PLCB4: variants seen among roughly 807,000 people sequenced by gnomAD.
PLCB4 encodes the protein 1-phosphatidylinositol 4,5-bisphosphate phosphodiesterase beta-4.
PLCB4 carries 77 observed loss-of-function variants against 178.8 expected under a neutral mutation model. That is an observed-to-expected ratio of 0.43 (90% CI 0.36 to 0.52). The LOEUF (loss-of-function observed/expected upper bound fraction) is 0.52, where lower values mean the gene tolerates loss of function less well. Among genes scored for constraint, PLCB4 ranks in the 20% least tolerant of loss-of-function variants. PLCB4 has a pLI of 0.00. For synonymous variants in PLCB4, 496 were observed against 490.8 expected (o/e 1.01, Z -0.14); for missense variants, 1,024 against 1,453.4 (o/e 0.70, Z 4.80).
chr20:9,237,989 T>C (rs141900767), intron 3 of PLCB4, among the ~76,000 whole-genome samples: 142 of 152,276 alleles, frequency 9.3e-4, no homozygotes, highest in African/African-American at 3.2e-3. Context: ...ATGAAAGCAG[T>C]GCTCTGCGAA....
At position 9,193,145 on chromosome 20, in the gene PLCB4, C is replaced by T. The variant is rs555611905; in HGVS notation, c.-78-24245C>T. ...GCACTGTGCTAGGAGCTGGGATGGACGCTATCTTGGGTTCCTTGTGAAGCA... is the reference window on the plus strand; with the variant it reads ...GCACTGTGCTAGGAGCTGGGATGGATGCTATCTTGGGTTCCTTGTGAAGCA... On this transcript the variant is annotated intron_variant, in intron 2 of 39. Coordinates refer to ENST00000378473, the MANE Select transcript of PLCB4 (RefSeq NM_001377142.1). 1.1e-4 allele frequency among the ~76,000 whole-genome samples: 17 copies of T among 152,290 alleles called. No individual in the cohort carries two copies. In the South Asian group the frequency reaches 1.7e-3, roughly 15 times the overall value.
chr20:9,440,749 G>C (rs977139068), intron 30 of PLCB4, among the ~76,000 whole-genome samples: 2 of 152,150 alleles, frequency 1.3e-5, no homozygotes, highest in Non-Finnish European at 2.9e-5. Context: ...CACTCAGTCT[G>C]CCACCCTGAT....
intron 28 of PLCB4, among the ~76,000 whole-genome samples, chr20:9,428,771 G>T (rs1235649567): frequency 6.6e-6 from 1 of 152,156 alleles, no homozygotes; most frequent in Admixed American, 6.5e-5. Flanking sequence ...GGGGTGGGGA[G>T]GGGGAGTGTA....
intron 1 of PLCB4, among the ~76,000 whole-genome samples, chr20:9,090,516 T>G (rs1208731863): frequency 6.6e-6 from 1 of 151,590 alleles, no homozygotes; most frequent in Non-Finnish European, 1.5e-5. Flanking sequence ...TAGTGTGTTT[T>G]TTTTTTTTTT....
intron 36 of PLCB4, among the ~76,000 whole-genome samples, 161 bp downstream of exon 36, chr20:9,468,833 A>G (rs1422675987): frequency 6.6e-6 from 1 of 152,236 alleles, no homozygotes; most frequent in Non-Finnish European, 1.5e-5. Flanking sequence ...ATTTGTTATT[A>G]TCACTGTAGA....
intron 3 of PLCB4, among the ~76,000 whole-genome samples, chr20:9,267,606 G>T (rs1396931271): frequency 1.3e-5 from 2 of 151,660 alleles, no homozygotes; most frequent in Admixed American, 1.3e-4. Context: ...AAACTCATCT[G>T]AAAATCTCAT....
Position 9,256,751 on chromosome 20 carries a change from AC to A in PLCB4, c.-16+39300del, listed in dbSNP as rs1382753550. ...TCCATCTGAGTTGGAAAATTAAATA[AC>A]ATTATTCACATTTTTATGTAAATGT... On this transcript the variant is annotated intron_variant, in intron 3 of 39. Transcript: ENST00000378473. 1.8e-4 allele frequency among the ~76,000 whole-genome samples: 27 copies of A among 152,350 alleles called. No homozygotes were observed. In the South Asian group the frequency reaches 5.0e-3, roughly 28 times the overall value.
intron 8 of PLCB4, among the ~76,000 whole-genome samples, chr20:9,364,281 T>C: frequency 6.6e-6 from 1 of 152,330 alleles, no homozygotes; most frequent in South Asian, 2.1e-4. Context: ...GGCTTGCTTA[T>C]ACCTGAGTGA....
At chr20:9,210,885 A>G (rs144207002) in intron 2 of PLCB4, among the ~76,000 whole-genome samples, 23 of 152,184 alleles carry the variant, frequency 1.5e-4, no homozygotes, top group Non-Finnish European at 2.4e-4. Context: ...ACTCAAACTG[A>G]GAACAGCATC....
At position 9,321,490 on chromosome 20, in the gene PLCB4, T is replaced by C. The variant is rs538051570; in HGVS notation, c.84+13592T>C. ...TACTCACCGTTTGCATTACTTATTC[T>C]AGACCATAAGTATTATACTACTAAG... is the stretch of plus-strand genomic sequence containing the variant. On this transcript the variant is annotated intron_variant, in intron 4 of 39. Transcript: ENST00000378473. Among the ~76,000 whole-genome samples, 496 of 152,350 alleles carry C rather than the reference T, an allele frequency of 3.3e-3. 4 individuals carry two copies. The highest frequency in any genetic ancestry group is 0.019 in the South Asian group (90 of 4,828).
At chr20:9,421,136 C>T (rs545411892) in intron 26 of PLCB4, among the ~76,000 whole-genome samples, 161 bp from the exon 27 acceptor site, 4 of 151,860 alleles carry the variant, frequency 2.6e-5, no homozygotes, top group East Asian at 3.9e-4. Flanking sequence ...AGTAGTTGTT[C>T]GATAATGTTT....
chr20:9,309,046 G>A (rs80343434), intron 4 of PLCB4, among the ~76,000 whole-genome samples: 1 of 151,830 alleles, frequency 6.6e-6, no homozygotes, highest in African/African-American at 2.4e-5. Flanking sequence ...TGAGATCATA[G>A]AGTAATATTT....
chr20:9,328,276 G>C (rs2031044929), intron 4 of PLCB4, among the ~76,000 whole-genome samples: 1 of 152,110 alleles, frequency 6.6e-6, no homozygotes, highest in South Asian at 2.1e-4. Context: ...TTGTTGTAGG[G>C]TTCACAGTGT....
rs6108276 is a variant in PLCB4 at position 9,275,487 on chromosome 20, G to A, written c.-15-32313G>A. Among the ~76,000 whole-genome samples, 776 of 152,102 alleles carry A rather than the reference G, an allele frequency of 5.1e-3. 7 individuals carry two copies. Among genetic ancestry groups the A allele is most frequent in the African/African-American group, 0.018 (743 of 41,530 alleles). The stretch of plus-strand genomic sequence containing the variant: ...CAAGTGGCATATTATCAAATGGGAC[G>A]CTATTATTGCACAAGGTCATGTGGC... On this transcript the variant is annotated intron_variant, in intron 3 of 39. Transcript: ENST00000378473.
At chr20:9,339,385 C>T (rs34106063) in intron 7 of PLCB4, among the ~76,000 whole-genome samples, 10,122 of 152,104 alleles carry the variant, frequency 0.067, 360 homozygotes, top group Middle Eastern at 0.095. Context: ...AACAAGCTCC[C>T]AGGTGGCATG....
intron 1 of PLCB4, among the ~76,000 whole-genome samples, chr20:9,074,725 T>C (rs1182254168): frequency 6.6e-6 from 1 of 151,720 alleles, no homozygotes; most frequent in Non-Finnish European, 1.5e-5. Flanking sequence ...TTCTGTGACT[T>C]TGGTGTTTCA....
In PLCB4 at chr20:9,160,314, GAAAGA is replaced by G. The variant is rs1243818018; in HGVS notation, c.-78-57074_-78-57070del. Among the ~76,000 whole-genome samples, 4 of 152,250 alleles carry G rather than the reference GAAAGA, an allele frequency of 2.6e-5. No individual in the cohort carries two copies. In the East Asian group the frequency reaches 5.8e-4, roughly 22 times the overall value. ...GTGTGTCCTGGCTTGGGGAAAAGAT[GAAAGA>G]AGTCCAGGATAGTTAGGTCCTCAAG... On this transcript the variant is annotated intron_variant, in intron 2 of 39. Transcript: ENST00000378473.
intron 38 of PLCB4, among the ~76,000 whole-genome samples, chr20:9,474,987 G>A (rs1277685778): frequency 6.6e-6 from 1 of 152,196 alleles, no homozygotes; most frequent in African/African-American, 2.4e-5. Flanking sequence ...CTCAGAAAGT[G>A]CTCCTGGGGG....
intron 3 of PLCB4, among the ~76,000 whole-genome samples, chr20:9,279,128 G>T (rs577600340): frequency 2.0e-5 from 3 of 152,102 alleles, no homozygotes; most frequent in Non-Finnish European, 4.4e-5. Context: ...TATGTTATTT[G>T]GTTAAAGAAT....
Sources: allele counts gnomAD v4.1 joint callset (sites outside exome capture counted in the v4.1 genomes callset), GRCh38; gene constraint gnomAD v4.1.1; transcripts MANE v1.5; gene names NCBI Gene and HGNC (gene_info 2026-07-23, HGNC 2026-07-21).